CLEC9A: variants seen among roughly 807,000 people sequenced by gnomAD.
CLEC9A encodes C-type lectin domain family 9 member A.
Under a neutral mutation model 30.0 loss-of-function variants are expected in CLEC9A, and 24 were observed. The observed-to-expected ratio is 0.80, with a 90% CI of 0.58 to 1.13. The LOEUF (loss-of-function observed/expected upper bound fraction) is 1.13, where lower values mean the gene tolerates loss of function less well. Ranked by LOEUF, CLEC9A falls within the 50% of genes most tolerant of loss-of-function variation. CLEC9A has a pLI of 0.00. For synonymous variants in CLEC9A, 111 were observed against 96.8 expected (o/e 1.15, Z -0.86); for missense variants, 251 against 280.9 (o/e 0.89, Z 0.76).
chr12:10,032,463 T>C (rs910595832), intron 1 of CLEC9A, among the ~76,000 whole-genome samples: 2 of 143,388 alleles, frequency 1.4e-5, no homozygotes, highest in African/African-American at 5.1e-5. Context: ...CAATCTCGGC[T>C]CACTGCAATC....
Position 10,061,148 on chromosome 12 carries a change from C to T in CLEC9A, c.194C>T (p.Ala65Val), listed in dbSNP as rs746971143. The T allele has an allele frequency of 2.9e-5, 46 of 1,610,028 alleles. No individual in the cohort carries two copies. In the South Asian group the frequency reaches 3.0e-4, roughly 10 times the overall value. ...GAAGTGTTGCAGGTGTCCACCATTG[C>T]GATGCAGCAGCAAGAAAAACTCATC... ...GVKLLQVSTI[A>V]MQQQEKLIQQ... The change falls in exon 6 of 9, where the codon GCG (alanine) becomes GTG (valine). Residue 65 changes from alanine (A) to valine (V), a missense_variant. Coordinates refer to ENST00000355819, the MANE Select transcript of CLEC9A (RefSeq NM_207345.4).
At chr12:10,045,107 C>T (rs892837269) in intron 2 of CLEC9A, among the ~76,000 whole-genome samples, 1 of 152,170 alleles carries the variant, frequency 6.6e-6, no homozygotes, top group African/African-American at 2.4e-5. Flanking sequence ...TCTCCTGTCT[C>T]CTGTCCCATC....
intron 5 of CLEC9A, among the ~76,000 whole-genome samples, chr12:10,060,305 A>T (rs1050564304): frequency 3.3e-5 from 5 of 152,216 alleles, no homozygotes; most frequent in African/African-American, 1.2e-4. Flanking sequence ...AACTACCTGG[A>T]TGTCCTTCAG....
At chr12:10,048,557 T>A (rs1007349841) in intron 2 of CLEC9A, among the ~76,000 whole-genome samples, 1 of 152,232 alleles carries the variant, frequency 6.6e-6, no homozygotes, top group African/African-American at 2.4e-5. Flanking sequence ...GTATTTGAAA[T>A]CCTTTGTTAT....
chr12:10,034,557 A>C (rs994426040), intron 1 of CLEC9A, among the ~76,000 whole-genome samples: 1 of 152,218 alleles, frequency 6.6e-6, no homozygotes, highest in Non-Finnish European at 1.5e-5. Context: ...CCTTTACTAT[A>C]ATACAAGCTC....
At chr12:10,047,914 A>G (rs1182311611) in intron 2 of CLEC9A, among the ~76,000 whole-genome samples, 2 of 152,048 alleles carry the variant, frequency 1.3e-5, no homozygotes, top group South Asian at 2.1e-4. Flanking sequence ...GATGGGGTAG[A>G]TGCAGATGCG....
chr12:10,039,170 G>T (rs2137297729), intron 1 of CLEC9A, among the ~76,000 whole-genome samples: 1 of 152,306 alleles, frequency 6.6e-6, no homozygotes, highest in Non-Finnish European at 1.5e-5. Flanking sequence ...TGATTCTGCT[G>T]ATCCTGTGCA....
At chr12:10,040,450 C>A (rs1051211905) in intron 1 of CLEC9A, among the ~76,000 whole-genome samples, 12 of 146,932 alleles carry the variant, frequency 8.2e-5, no homozygotes, top group Non-Finnish European at 1.8e-4. Context: ...CATACATTGG[C>A]AATTTTTTTT....
At chr12:10,040,489 C>T (rs184291235) in intron 1 of CLEC9A, among the ~76,000 whole-genome samples, 3 of 146,418 alleles carry the variant, frequency 2.0e-5, no homozygotes, top group Non-Finnish European at 4.5e-5. Context: ...CTTGCTCTGT[C>T]GCCCAGGCTG....
intron 2 of CLEC9A, among the ~76,000 whole-genome samples, chr12:10,044,459 C>G (rs1433371916): frequency 1.3e-5 from 2 of 152,220 alleles, no homozygotes; most frequent in East Asian, 3.8e-4. Flanking sequence ...CTTGCTGCCT[C>G]ATTCACAATA....
At chr12:10,040,823 GTTA>G (rs540542770) in intron 1 of CLEC9A, 77 of 167,560 alleles carry the variant, frequency 4.6e-4, no homozygotes, top group African/African-American at 1.7e-3. Flanking sequence ...ATTACAAAAT[GTTA>G]TTATTTATTT....
In CLEC9A at chr12:10,054,343, G is replaced by T. The variant is rs778799063; in HGVS notation, c.164G>T (p.Gly55Val). Residue 55 changes from glycine to valine, a missense_variant, in exon 5 of 9, where the codon GGC (glycine) becomes GTC (valine). By Grantham distance (109) the Gly-to-Val change is moderately radical. Transcript: ENST00000355819. ...TTATTAACAGCATCCATTTTCTTGG[G>T]CGTCAAGTGTAAGTACTAAAAGATA... ...MGLLTASIFL[G>V]VKLLQVSTIA... 3.1e-6 allele frequency: 5 copies of T among 1,608,622 alleles called. No homozygotes were observed. The highest frequency in any genetic ancestry group is 4.3e-6 in the Non-Finnish European group (5 of 1,175,740).
chr12:10,056,985 G>A (rs2137311251), intron 5 of CLEC9A, among the ~76,000 whole-genome samples: 1 of 152,006 alleles, frequency 6.6e-6, no homozygotes, highest in South Asian at 2.1e-4. Flanking sequence ...TTTTGTTCTA[G>A]TGACTATTAA....
intron 5 of CLEC9A, among the ~76,000 whole-genome samples, chr12:10,055,445 A>G (rs2137310023): frequency 6.6e-6 from 1 of 152,358 alleles, no homozygotes; most frequent in African/African-American, 2.4e-5. Flanking sequence ...TAACTCTACA[A>G]TAGAAGAATC....
chr12:10,031,451 T>A (rs1382201044), intron 1 of CLEC9A, among the ~76,000 whole-genome samples: 2 of 152,218 alleles, frequency 1.3e-5, no homozygotes, highest in Non-Finnish European at 2.9e-5. Flanking sequence ...CTCTGTTGAT[T>A]TCCTTTAATC....
At chr12:10,045,489 G>A (rs970608656) in intron 2 of CLEC9A, 12 of 223,042 alleles carry the variant, frequency 5.4e-5, no homozygotes, top group Non-Finnish European at 5.9e-5. Context: ...TCACAGGTTT[G>A]GGCTTTCTGA....
intron 2 of CLEC9A, among the ~76,000 whole-genome samples, chr12:10,047,023 T>C (rs144786485): frequency 2.9e-4 from 44 of 152,322 alleles, no homozygotes; most frequent in African/African-American, 9.6e-4. Context: ...GTGTTACTCT[T>C]AAAGCTTTGT....
intron 1 of CLEC9A, among the ~76,000 whole-genome samples, chr12:10,034,544 C>A (rs530672005): frequency 3.9e-5 from 6 of 152,296 alleles, no homozygotes; most frequent in Non-Finnish European, 7.4e-5. Flanking sequence ...CTGTGCTCCC[C>A]ACCCTTTACT....
At position 10,048,203 on chromosome 12, in the gene CLEC9A, G is replaced by A. The variant is rs368521379; in HGVS notation, c.-162-3788G>A. 4.4e-3 allele frequency among the ~76,000 whole-genome samples: 658 copies of A among 149,626 alleles called. 4 individuals carry two copies. Among genetic ancestry groups the A allele is most frequent in the African/African-American group, 0.015 (625 of 40,568 alleles). ...AGCCGAGATTGCGCCACTGCAGTCC[G>A]CAGTCCGGCCTGGGCGACAGAGCGA... On this transcript the variant is annotated intron_variant, in intron 2 of 8. Transcript: ENST00000355819.
Sources: allele counts gnomAD v4.1 joint callset (sites outside exome capture counted in the v4.1 genomes callset), GRCh38; gene constraint gnomAD v4.1.1; transcripts MANE v1.5; gene names NCBI Gene and HGNC (gene_info 2026-07-23, HGNC 2026-07-21).